Variants in GABRB3 observed in about 807,000 individuals in gnomAD.
GABRB3 encodes the protein gamma-aminobutyric acid type A receptor subunit beta3, also known as gamma-aminobutyric acid receptor subunit beta-3.
GABRB3 carries 14 observed loss-of-function variants against 52.1 expected under a neutral mutation model. That is an observed-to-expected ratio of 0.27 (90% CI 0.18 to 0.42). GABRB3 has a LOEUF of 0.42. Among genes scored for constraint, GABRB3 ranks in the 10% least tolerant of loss-of-function variants. GABRB3 has a pLI of 1.00. For synonymous variants in GABRB3, 260 were observed against 232.3 expected, an observed-to-expected ratio of 1.12 and a Z score of -1.08; for missense variants, 307 against 609.1, an observed-to-expected ratio of 0.50 and a Z score of 5.22.
chr15:26,674,948 A>G (rs1332842697), intron 3 of GABRB3, among the ~76,000 whole-genome samples: 2 of 152,216 alleles, frequency 1.3e-5, no homozygotes, highest in Non-Finnish European at 2.9e-5. Context: ...CATATCAAAT[A>G]AAACCAAGTT....
chr15:26,760,085 T>G (rs1190737384), intron 3 of GABRB3, among the ~76,000 whole-genome samples: 1 of 152,174 alleles, frequency 6.6e-6, no homozygotes, highest in African/African-American at 2.4e-5. Flanking sequence ...AAAGGGAACC[T>G]GAAGAAAGAG....
chr15:26,661,985 G>A (rs966317667), intron 3 of GABRB3, among the ~76,000 whole-genome samples: 3 of 152,146 alleles, frequency 2.0e-5, no homozygotes, highest in Middle Eastern at 3.4e-3. Context: ...TCAATTAAAC[G>A]CAGCCGAGAT....
chr15:26,709,515 C>CTTTTTTTTTTTT (rs57044167), intron 3 of GABRB3, among the ~76,000 whole-genome samples: 12 of 91,998 alleles, frequency 1.3e-4, no homozygotes, highest in Admixed American at 1.5e-4. Context: ...TTTTTTCTTT[C>CTTTTTTTTTTTT]TTTTTTTTTT....
intron 3 of GABRB3, chr15:26,624,351 C>A: frequency 1.0e-6 from 1 of 985,518 alleles, no homozygotes; most frequent in South Asian, 4.7e-5. Context: ...ATAGAAGTTT[C>A]ACTTGTTTCT....
intron 4 of GABRB3, among the ~76,000 whole-genome samples, chr15:26,594,243 C>T (rs1353136086): frequency 6.6e-6 from 1 of 151,626 alleles, no homozygotes; most frequent in East Asian, 2.0e-4. Context: ...TTTGACTAAG[C>T]CATGTTTTCC....
chr15:26,773,552 C>G (rs1760956453), upstream of GABRB3: 5 of 999,840 alleles, frequency 5.0e-6, no homozygotes, highest in South Asian at 1.5e-5. Flanking sequence ...CAGCGCAGCC[C>G]GAGAGCCCCC....
At chr15:26,624,902 C>T (rs1166176897) in intron 3 of GABRB3, 7 of 985,392 alleles carry the variant, frequency 7.1e-6, no homozygotes, top group Non-Finnish European at 8.4e-6. Flanking sequence ...GTGGTGAGCA[C>T]TGAGCCAGGA....
intron 3 of GABRB3, among the ~76,000 whole-genome samples, chr15:26,647,740 G>C (rs1887054616): frequency 6.6e-6 from 1 of 152,158 alleles, no homozygotes; most frequent in African/African-American, 2.4e-5. Context: ...CCAAAGCCAG[G>C]CCACAGCAGG....
intron 3 of GABRB3, among the ~76,000 whole-genome samples, chr15:26,669,261 T>C (rs1050558925): frequency 6.6e-6 from 1 of 152,210 alleles, no homozygotes; most frequent in African/African-American, 2.4e-5. Flanking sequence ...ATGTCCTTCC[T>C]ACTTAGGGAA....
rs13329457 is a variant in GABRB3, at chr15:26,629,249, G to C, written c.241-7715C>G. The C allele has an allele frequency of 9.5e-6, 12 of 1,264,152 alleles. No homozygotes were observed. The South Asian group carries it at 1.6e-4, about 16-fold the overall frequency. The allele number at this position is 1,264,152 out of a possible 1,614,324, so 78.3% of individuals were successfully genotyped here. On this transcript the variant is annotated intron_variant, in intron 3 of 8. Transcript: ENST00000311550. The stretch of plus-strand genomic sequence containing the variant: ...GGAAAGGAGGGCAGCGCGGAAGCTT[G>C]GCCCCGAGAGGGAGGAGGCGTGGTC...
chr15:26,612,388 T>C (rs775328061), intron 4 of GABRB3: 1 of 152,204 alleles, frequency 6.6e-6, no homozygotes, highest in Non-Finnish European at 1.5e-5. Flanking sequence ...TGACTAGATA[T>C]AATTTTTGAT....
chr15:26,739,103 T>C (rs1229850694), intron 3 of GABRB3, among the ~76,000 whole-genome samples: 3 of 152,142 alleles, frequency 2.0e-5, no homozygotes, highest in Non-Finnish European at 4.4e-5. Flanking sequence ...AGCTCATCAC[T>C]GCCTGGTGCT....
Position 26,621,103 on chromosome 15 carries a change from G to A in GABRB3, c.461+211C>T, listed in dbSNP as rs1892465756. ...ATATACAATTGATCCAAAGGTGGCT[G>A]TTTTTCAACTGCTTGTGACTATTTA... On this transcript the variant is annotated intron_variant, in intron 4 of 8. Coordinates refer to ENST00000311550, the MANE Select transcript of GABRB3 (RefSeq NM_000814.6). The surrounding 1 kb of genome is among the most constrained non-coding windows in gnomAD (Gnocchi z 4.1). Among the ~76,000 whole-genome samples the A allele has an allele frequency of 7.5e-6, 1 of 132,796 alleles. No individual in the cohort carries two copies. Among genetic ancestry groups the A allele is most frequent in the African/African-American group, 2.6e-5 (1 of 38,496 alleles). 87.1% of individuals were successfully genotyped at this position (132,796 alleles called of 152,430 possible).
intron 3 of GABRB3, among the ~76,000 whole-genome samples, chr15:26,687,774 C>T (rs1222795549): frequency 6.6e-6 from 1 of 152,186 alleles, no homozygotes; most frequent in Non-Finnish European, 1.5e-5. Flanking sequence ...GTTAATTACA[C>T]CTGCTGACTG....
At chr15:26,596,012 A>C (rs780744776) in intron 4 of GABRB3, among the ~76,000 whole-genome samples, 3 of 152,130 alleles carry the variant, frequency 2.0e-5, no homozygotes, top group Non-Finnish European at 4.4e-5. Flanking sequence ...TGGATTTGTC[A>C]GCCTCTTTCT....
intron 4 of GABRB3, among the ~76,000 whole-genome samples, chr15:26,605,699 C>T (rs1302982424): frequency 1.3e-5 from 2 of 152,126 alleles, no homozygotes; most frequent in African/African-American, 2.4e-5. Flanking sequence ...CATGTTCTCA[C>T]TTATTTGTGA....
At chr15:26,594,395 C>G (rs1352596301) in intron 4 of GABRB3, among the ~76,000 whole-genome samples, 1 of 152,052 alleles carries the variant, frequency 6.6e-6, no homozygotes, top group Non-Finnish European at 1.5e-5. Flanking sequence ...TGTTTTGAAT[C>G]ATTTCAAAAC....
intron 3 of GABRB3, among the ~76,000 whole-genome samples, chr15:26,672,165 G>A (rs1396926985): frequency 6.6e-6 from 1 of 152,102 alleles, no homozygotes; most frequent in Non-Finnish European, 1.5e-5. Flanking sequence ...AGTGACATAG[G>A]ATTATTTTGA....
intron 4 of GABRB3, among the ~76,000 whole-genome samples, chr15:26,596,054 T>C (rs1368500609): frequency 6.6e-6 from 1 of 152,006 alleles, no homozygotes; most frequent in Non-Finnish European, 1.5e-5. Flanking sequence ...CCTTTGGGGG[T>C]AGGCATGTAC....
Sources: allele counts gnomAD v4.1 joint callset (sites outside exome capture counted in the v4.1 genomes callset), GRCh38; gene constraint gnomAD v4.1.1; non-coding constraint Gnocchi (gnomAD v3.1); transcripts MANE v1.5; gene names NCBI Gene and HGNC (gene_info 2026-07-23, HGNC 2026-07-21).